CRIM1: variants seen among roughly 807,000 people sequenced by gnomAD.
CRIM1 encodes cysteine rich transmembrane BMP regulator 1.
Under a neutral mutation model 116.4 loss-of-function variants are expected in CRIM1, and 32 were observed. That is an observed-to-expected ratio of 0.27 (90% CI 0.21 to 0.37). The LOEUF (loss-of-function observed/expected upper bound fraction) is 0.37, where lower values mean the gene tolerates loss of function less well. CRIM1 is among the 10% of genes least tolerant of loss of function. CRIM1 has a pLI of 1.00. For missense variants in CRIM1, 1,331 were observed against 1,354.8 expected, an observed-to-expected ratio of 0.98 and a Z score of 0.28; for synonymous variants, 590 against 509.2, an observed-to-expected ratio of 1.16 and a Z score of -2.13.
chr2:36,530,957 G>T (rs11681392), intron 13 of CRIM1, among the ~76,000 whole-genome samples: 42,777 of 152,038 alleles, frequency 0.28, 6,476 homozygotes, highest in Middle Eastern at 0.45. Flanking sequence ...CCTTGTTCAC[G>T]TCTGCATCCC....
intron 14 of CRIM1, among the ~76,000 whole-genome samples, chr2:36,544,011 A>G (rs756320543): frequency 6.6e-6 from 1 of 152,222 alleles, no homozygotes; most frequent in Non-Finnish European, 1.5e-5. Context: ...CCCCCATATT[A>G]AAGAGCAGCA....
At chr2:36,484,216 C>T (rs1045562058) in intron 7 of CRIM1, among the ~76,000 whole-genome samples, 2 of 152,204 alleles carry the variant, frequency 1.3e-5, no homozygotes, top group African/African-American at 4.8e-5. Context: ...CTTGCTGCCA[C>T]GTTAATGTAC....
At chr2:36,365,296 G>A (rs965085694) in intron 1 of CRIM1, among the ~76,000 whole-genome samples, 1 of 152,168 alleles carries the variant, frequency 6.6e-6, no homozygotes, top group Non-Finnish European at 1.5e-5. Context: ...TAATATTAAT[G>A]GCATATGGTT....
intron 1 of CRIM1, among the ~76,000 whole-genome samples, chr2:36,392,211 A>T (rs1474043415): frequency 6.6e-6 from 1 of 152,252 alleles, no homozygotes; most frequent in Non-Finnish European, 1.5e-5. Context: ...GACATATTTG[A>T]ACATATATGA....
intron 7 of CRIM1, among the ~76,000 whole-genome samples, chr2:36,497,303 A>G (rs979751357): frequency 2.6e-5 from 4 of 152,158 alleles, no homozygotes; most frequent in Non-Finnish European, 5.9e-5. Context: ...TCACTGGGAT[A>G]ACCTGTGGTG....
chr2:36,420,968 G>T (rs1235311838), intron 2 of CRIM1, among the ~76,000 whole-genome samples: 1 of 152,190 alleles, frequency 6.6e-6, no homozygotes, highest in Non-Finnish European at 1.5e-5. Context: ...GGCCACTGGA[G>T]ATCTGGAAAC....
chr2:36,517,420 T>G lies in CRIM1; in HGVS notation c.2084T>G (p.Ile695Ser). Residue 695 changes from isoleucine to serine, a missense_variant, in exon 12 of 17, where the codon ATT becomes AGT. Ile to Ser is a moderately radical substitution (Grantham distance 142, BLOSUM62 -2). Coordinates refer to ENST00000280527, the MANE Select transcript of CRIM1 (RefSeq NM_016441.3). Reference protein sequence around the residue: ...EYFVEGETWNIDSCTQCTCHS... With the variant: ...EYFVEGETWNSDSCTQCTCHS... Reference sequence around the variant, plus strand: ...TTTGTGGAAGGAGAAACGTGGAACATTGACTCCTGTACTCAGTGCACCTGC... The same window carrying G: ...TTTGTGGAAGGAGAAACGTGGAACAGTGACTCCTGTACTCAGTGCACCTGC... 1 of 1,614,198 alleles carries G rather than the reference T, an allele frequency of 6.2e-7. No individual in the cohort carries two copies. The highest frequency in any genetic ancestry group is 8.5e-7 in the Non-Finnish European group (1 of 1,180,008).
At chr2:36,546,945 G>A in intron 15 of CRIM1, 39 bp from the exon 16 acceptor site, 1 of 1,164,374 alleles carries the variant, frequency 8.6e-7, no homozygotes. Context: ...TAACAATTCT[G>A]GTTTAGGTAA....
At chr2:36,433,894 T>C (rs1306258851) in intron 2 of CRIM1, among the ~76,000 whole-genome samples, 1 of 152,086 alleles carries the variant, frequency 6.6e-6, no homozygotes, top group Non-Finnish European at 1.5e-5. Flanking sequence ...AAAGATTCCG[T>C]CGCTGTTAAA....
At chr2:36,548,267 C>CT (rs11318146) in intron 16 of CRIM1, among the ~76,000 whole-genome samples, 13,185 of 137,736 alleles carry the variant, frequency 0.096, 724 homozygotes, top group South Asian at 0.16. Context: ...TTTCACCAGT[C>CT]TTTTTTTTTT....
chr2:36,379,917 A>T (rs1670609834), intron 1 of CRIM1, among the ~76,000 whole-genome samples: 1 of 151,718 alleles, frequency 6.6e-6, no homozygotes, highest in Non-Finnish European at 1.5e-5. Flanking sequence ...AAAAAAAAAA[A>T]AAGGTATGTT....
chr2:36,482,022 C>CT, intron 7 of CRIM1, among the ~76,000 whole-genome samples: 1 of 152,286 alleles, frequency 6.6e-6, no homozygotes, highest in Middle Eastern at 3.4e-3. Flanking sequence ...GGAAAGATGC[C>CT]TTTGAGATGC....
chr2:36,431,231 C>CTG (rs1674865293), intron 2 of CRIM1, among the ~76,000 whole-genome samples: 1 of 151,978 alleles, frequency 6.6e-6, no homozygotes, highest in Non-Finnish European at 1.5e-5. Flanking sequence ...TGTGAGTACT[C>CTG]TGTGTGTGTG....
At chr2:36,428,191 G>A (rs1220298518) in intron 2 of CRIM1, among the ~76,000 whole-genome samples, 1 of 152,234 alleles carries the variant, frequency 6.6e-6, no homozygotes, top group African/African-American at 2.4e-5. Context: ...GATGGAAGCA[G>A]TGCAGGACTT....
intron 13 of CRIM1, among the ~76,000 whole-genome samples, chr2:36,523,451 C>G (rs999372776): frequency 1.3e-5 from 2 of 152,188 alleles, no homozygotes; most frequent in Non-Finnish European, 2.9e-5. Flanking sequence ...TGGAGCAAAA[C>G]TAGTCCTATG....
rs139158066 is a variant in CRIM1, at chr2:36,406,718, C to A, written c.505+9931C>A. ...GCATTCTGTATTGCAAGGGCCATGC[C>A]CTCTTTGCTTCAGGACTTTCATGTG... On this transcript the variant is annotated intron_variant, in intron 2 of 16. Transcript: ENST00000280527. Among the ~76,000 whole-genome samples, 4 of 151,276 alleles carry A rather than the reference C, an allele frequency of 2.6e-5. No homozygotes were observed. The South Asian group carries it at 8.3e-4, about 32-fold the overall frequency.
intron 4 of CRIM1, among the ~76,000 whole-genome samples, chr2:36,460,103 GAA>G (rs1006044403): frequency 1.4e-5 from 2 of 147,806 alleles, no homozygotes; most frequent in Non-Finnish European, 3.0e-5. Context: ...ACCTACTTGA[GAA>G]AAAAAAAAGA....
In CRIM1 at chr2:36,536,280, C is replaced by G. The variant is rs147866875; in HGVS notation, c.2429-1072C>G. On this transcript the variant is annotated intron_variant, in intron 13 of 16. Transcript: ENST00000280527. ...GTCTATTCAATGAATTCTGACCCTT[C>G]AAGAGCTTCCCAGATGCTTTCCAGG... 1.6e-3 allele frequency among the ~76,000 whole-genome samples: 238 copies of G among 152,332 alleles called. 2 individuals carry two copies. Among genetic ancestry groups the G allele is most frequent in the Non-Finnish European group, 2.2e-3 (151 of 68,030 alleles).
intron 1 of CRIM1, among the ~76,000 whole-genome samples, chr2:36,373,851 T>G (rs1380417925): frequency 6.6e-6 from 1 of 152,216 alleles, no homozygotes; most frequent in African/African-American, 2.4e-5. Context: ...TAGTCTGTTA[T>G]GTCCATTCTT....
Sources: allele counts gnomAD v4.1 joint callset (sites outside exome capture counted in the v4.1 genomes callset), GRCh38; gene constraint gnomAD v4.1.1; transcripts MANE v1.5; gene names NCBI Gene and HGNC (gene_info 2026-07-23, HGNC 2026-07-21).